RIC1: variants seen among roughly 807,000 people sequenced by gnomAD.
The protein encoded by RIC1 is RIC1 partner of RAB6A GEF complex, also known as guanine nucleotide exchange factor subunit RIC1.
A neutral mutation model predicts 169.0 loss-of-function variants in RIC1; 88 were observed. That is an observed-to-expected ratio of 0.52 (90% CI 0.44 to 0.62). The LOEUF is 0.62. Ranked by LOEUF, RIC1 falls within the 20% of genes least tolerant of loss-of-function variation. RIC1 has a pLI of 0.00. For synonymous variants in RIC1, 790 were observed against 601.5 expected (o/e 1.31, Z -4.59); for missense variants, 1,877 against 1,725.5 (o/e 1.09, Z -1.56).
At chr9:5,685,777 G>T (rs1214435233) in intron 2 of RIC1, among the ~76,000 whole-genome samples, 1 of 145,368 alleles carries the variant, frequency 6.9e-6, no homozygotes, top group Non-Finnish European at 1.5e-5. Flanking sequence ...TTGACAAATG[G>T]GATGTAATTC....
At chr9:5,735,778 A>C (rs1008504518) in intron 7 of RIC1, among the ~76,000 whole-genome samples, 1 of 152,168 alleles carries the variant, frequency 6.6e-6, no homozygotes, top group African/African-American at 2.4e-5. Flanking sequence ...TGTTAACCTA[A>C]ATATTTAAAG....
chr9:5,684,609 T>G (rs1452730950), intron 2 of RIC1, among the ~76,000 whole-genome samples: 4 of 152,174 alleles, frequency 2.6e-5, no homozygotes, highest in South Asian at 4.1e-4. Context: ...GCAGTCATAC[T>G]AAACTCACTT....
chr9:5,670,329 G>T (rs1820015765), intron 2 of RIC1, among the ~76,000 whole-genome samples: 1 of 152,160 alleles, frequency 6.6e-6, no homozygotes, highest in South Asian at 2.1e-4. Context: ...CTTAGCCTGT[G>T]CCCAGAATTG....
intron 1 of RIC1, among the ~76,000 whole-genome samples, chr9:5,652,745 G>C (rs1224320036): frequency 6.6e-6 from 1 of 151,378 alleles, no homozygotes; most frequent in Non-Finnish European, 1.5e-5. Context: ...GTACTGCGTT[G>C]AATAAAAGTG....
chr9:5,751,834 TTTAC>T (rs1379338397), intron 12 of RIC1, among the ~76,000 whole-genome samples: 3 of 152,218 alleles, frequency 2.0e-5, no homozygotes, highest in South Asian at 2.1e-4. Context: ...GCATATTGCT[TTTAC>T]TTAATTTTCT....
intron 1 of RIC1, among the ~76,000 whole-genome samples, chr9:5,651,106 C>G (rs1269647966): frequency 1.3e-5 from 2 of 152,184 alleles, no homozygotes; most frequent in Admixed American, 1.3e-4. Flanking sequence ...GTTCTCTATG[C>G]TAGTCTCTGG....
At chr9:5,700,014 C>CTT (rs374631629) in intron 3 of RIC1, among the ~76,000 whole-genome samples, 21 of 142,642 alleles carry the variant, frequency 1.5e-4, no homozygotes, top group Admixed American at 4.9e-4. Context: ...AAAATTCCTA[C>CTT]TTTTTTTTTT....
intron 6 of RIC1, among the ~76,000 whole-genome samples, chr9:5,722,321 A>G (rs1823649040): frequency 7.4e-6 from 1 of 134,442 alleles, no homozygotes; most frequent in African/African-American, 2.9e-5. Context: ...AGAAGGAATG[A>G]GCTTGCAAAA....
At chr9:5,753,011 A>T (rs918282327) in intron 12 of RIC1, among the ~76,000 whole-genome samples, 189 bp from the exon 13 acceptor site, 1 of 152,228 alleles carries the variant, frequency 6.6e-6, no homozygotes, top group African/African-American at 2.4e-5. Flanking sequence ...TGGTGCCTAG[A>T]AACATGAAAT....
intron 3 of RIC1, among the ~76,000 whole-genome samples, chr9:5,711,710 T>C (rs1444276195): frequency 1.3e-5 from 2 of 152,180 alleles, no homozygotes; most frequent in Non-Finnish European, 2.9e-5. Flanking sequence ...TATCTCCTAA[T>C]GCTATCCCTC....
chr9:5,747,545 G>T, intron 12 of RIC1, 40 bp downstream of exon 12: 1 of 1,494,630 alleles, frequency 6.7e-7, no homozygotes, highest in Non-Finnish European at 9.3e-7. Flanking sequence ...CTTATTCTTT[G>T]ATAGGATATC....
In RIC1 at chr9:5,743,917, A is replaced by G. The variant is rs181250837; in HGVS notation, c.1095+180A>G. Among the ~76,000 whole-genome samples the G allele has an allele frequency of 4.0e-3, 609 of 152,128 alleles. 2 individuals carry two copies. The highest frequency in any genetic ancestry group is 0.02 in the Middle Eastern group (6 of 294). On this transcript the variant is annotated intron_variant, in intron 10 of 25. Transcript: ENST00000414202. ...CTCTCTAAGCGATCCTCCTGCCTCA[A>G]GCTTCCAAGTAGCTGAGACTCTAGG...
intron 2 of RIC1, among the ~76,000 whole-genome samples, chr9:5,688,050 T>G (rs748331758): frequency 4.6e-5 from 7 of 152,240 alleles, no homozygotes; most frequent in Admixed American, 1.3e-4. Flanking sequence ...TCTAGAGTTT[T>G]GTTTGAGTTT....
intron 4 of RIC1, among the ~76,000 whole-genome samples, chr9:5,718,138 T>TAAAA (rs1823374552): frequency 1.3e-4 from 1 of 7,412 alleles, no homozygotes. Context: ...AGACTCCGTC[T>TAAAA]CAAAAAAAAA....
chr9:5,776,071 T>C lies in RIC1; in HGVS notation c.*1825T>C, dbSNP rs1043506154. On this transcript the variant is annotated 3_prime_UTR_variant, in exon 26 of 26. Transcript: ENST00000414202. ...GATTTACCATTATAAAGAGCTGTGA[T>C]CTTTTCAAGTATCTGAAATAAAACA... 2 of 152,188 alleles carry C rather than the reference T, an allele frequency of 1.3e-5. No individual in the cohort carries two copies. Among genetic ancestry groups the C allele is most frequent in the Non-Finnish European group, 2.9e-5 (2 of 68,012 alleles). 9.4% of individuals were successfully genotyped at this position (152,188 alleles called of 1,614,324 possible).
chr9:5,724,959 C>T (rs920800081), intron 6 of RIC1, among the ~76,000 whole-genome samples: 2 of 152,148 alleles, frequency 1.3e-5, no homozygotes, highest in African/African-American at 4.8e-5. Context: ...TTCGGTTTGC[C>T]AGTATTTTAT....
At chr9:5,640,960 G>A (rs1471904147) in intron 1 of RIC1, among the ~76,000 whole-genome samples, 1 of 152,094 alleles carries the variant, frequency 6.6e-6, no homozygotes. Flanking sequence ...TTACTGAAGA[G>A]TCTGCTGTCA....
At chr9:5,664,215 C>A (rs558850036) in intron 2 of RIC1, among the ~76,000 whole-genome samples, 1 of 152,068 alleles carries the variant, frequency 6.6e-6, no homozygotes, top group Non-Finnish European at 1.5e-5. Flanking sequence ...CGACACCATC[C>A]TGGCCAACAT....
intron 11 of RIC1, among the ~76,000 whole-genome samples, 176 bp downstream of exon 11, chr9:5,746,259 G>A (rs1203552938): frequency 1.3e-5 from 2 of 151,774 alleles, no homozygotes; most frequent in South Asian, 2.1e-4. Context: ...ATTTCTCAAC[G>A]GGTTGTGTTT....
Sources: gnomAD v4.1 joint callset for allele counts (sites outside exome capture counted in the v4.1 genomes callset) on GRCh38, gnomAD v4.1.1 for gene constraint, MANE v1.5 for transcripts, NCBI Gene and HGNC (gene_info 2026-07-23, HGNC 2026-07-21) for gene names.